Variants in MTHFD1 observed in about 807,000 individuals in gnomAD.
MTHFD1 encodes methylenetetrahydrofolate dehydrogenase, cyclohydrolase and formyltetrahydrofolate synthetase 1, also known as C-1-tetrahydrofolate synthase, cytoplasmic.
A neutral mutation model predicts 110.3 loss-of-function variants in MTHFD1; 44 were observed. The ratio of observed to expected loss-of-function variants is 0.40; its 90% CI spans 0.31 to 0.51. MTHFD1 has a LOEUF of 0.51. MTHFD1 is among the 20% of genes least tolerant of loss of function. The pLI is 0.60. For missense variants in MTHFD1, 909 were observed against 1,173.1 expected, an observed-to-expected ratio of 0.77 and a Z score of 3.29; for synonymous variants, 402 against 428.8, an observed-to-expected ratio of 0.94 and a Z score of 0.77.
chr14:64,408,285 C>CCTTTTTTTTTTTTTTTTTTTTT lies in MTHFD1; in HGVS notation c.127-2805_127-2804insCTTTTTTTTTTTTTTTTTTTTT, dbSNP rs34166790. Among the ~76,000 whole-genome samples, 8 of 121,208 alleles carry CCTTTTTTTTTTTTTTTTTTTTT rather than the reference C, an allele frequency of 6.6e-5. 3 individuals carry two copies. Among genetic ancestry groups the CCTTTTTTTTTTTTTTTTTTTTT allele is most frequent in the Non-Finnish European group, 9.9e-5 (6 of 60,678 alleles). The allele number at this position is 121,208 out of a possible 152,430, so 79.5% of individuals were successfully genotyped here. ...CCACCTTCAAGGAGAAATCAGCATTCTTTTTTTTTTTTTTTTTTTTGAGAT... is the reference window on the plus strand; with the variant it reads ...CCACCTTCAAGGAGAAATCAGCATTCCTTTTTTTTTTTTTTTTTTTTTTTTTTTTTTTTTTTTTTTTTGAGAT... On this transcript the variant is annotated intron_variant, in intron 2 of 27. Transcript: ENST00000652337.
At chr14:64,411,872 G>C (rs1343326078) in intron 3 of MTHFD1, among the ~76,000 whole-genome samples, 1 of 151,978 alleles carries the variant, frequency 6.6e-6, no homozygotes, top group Non-Finnish European at 1.5e-5. Context: ...TTGCACTCCA[G>C]CCTGGGCAAT....
intron 1 of MTHFD1, among the ~76,000 whole-genome samples, chr14:64,398,933 A>G (rs974261319): frequency 6.6e-6 from 1 of 152,238 alleles, no homozygotes; most frequent in African/African-American, 2.4e-5. Context: ...GTATGTTGGT[A>G]AATTGATCAT....
chr14:64,410,416 G>T (rs1003003418), intron 2 of MTHFD1, among the ~76,000 whole-genome samples: 45 of 151,322 alleles, frequency 3.0e-4, no homozygotes, highest in African/African-American at 1.0e-3. Flanking sequence ...ATGGGGGGGG[G>T]GGTCTCACTA....
intron 24 of MTHFD1, among the ~76,000 whole-genome samples, chr14:64,452,718 TAATC>T (rs975205054): frequency 2.6e-5 from 4 of 152,214 alleles, no homozygotes; most frequent in African/African-American, 9.7e-5. Context: ...TGCTTGCACT[TAATC>T]AATTGTGTTA....
chr14:64,408,285 C>CCTTTTTTTTTTTT (rs34166790), intron 2 of MTHFD1, among the ~76,000 whole-genome samples: 5 of 121,208 alleles, frequency 4.1e-5, no homozygotes, highest in Non-Finnish European at 4.9e-5. Context: ...AATCAGCATT[C>CCTTTTTTTTTTTT]TTTTTTTTTT....
At position 64,419,936 on chromosome 14, in the gene MTHFD1, T is replaced by C. The variant is rs377296583; in HGVS notation, c.727+11T>C. The C allele has an allele frequency of 6.0e-5, 95 of 1,586,364 alleles. No individual in the cohort carries two copies. The African/African-American group carries it at 1.2e-3, about 19-fold the overall frequency. ...TCAATTATGTCCCAGGTGAGTGTTG[T>C]TGGAGGAGTAAGGTGGCTGCTGGTA... On this transcript the variant is annotated intron_variant, in intron 8 of 27. Coordinates refer to ENST00000652337, the MANE Select transcript of MTHFD1 (RefSeq NM_005956.4).
At chr14:64,390,758 C>A (rs534043055) in intron 1 of MTHFD1, among the ~76,000 whole-genome samples, 1 of 152,154 alleles carries the variant, frequency 6.6e-6, no homozygotes, top group Non-Finnish European at 1.5e-5. Context: ...AAGCGATTCT[C>A]CTGCCTCAGC....
intron 2 of MTHFD1, among the ~76,000 whole-genome samples, chr14:64,409,049 A>G (rs2077961523): frequency 1.3e-5 from 2 of 152,194 alleles, no homozygotes; most frequent in Non-Finnish European, 1.5e-5. Context: ...GCTCATAACT[A>G]TAACTATTAA....
At chr14:64,452,869 ATTTT>A (rs2078397431) in intron 24 of MTHFD1, among the ~76,000 whole-genome samples, 1 of 151,820 alleles carries the variant, frequency 6.6e-6, no homozygotes, top group African/African-American at 2.4e-5. Context: ...CTACTTTTTA[ATTTT>A]TATTATTATT....
intron 18 of MTHFD1, chr14:64,441,174 A>G (rs11628440): frequency 0.095 from 50,844 of 534,894 alleles, 2,857 homozygotes; most frequent in East Asian, 0.17. Flanking sequence ...CCTGGGCAAC[A>G]CAGCCAGACT....
chr14:64,437,117 T>C (rs1348288749), intron 16 of MTHFD1, among the ~76,000 whole-genome samples: 1 of 152,084 alleles, frequency 6.6e-6, no homozygotes, highest in Non-Finnish European at 1.5e-5. Flanking sequence ...CCTTGACTCA[T>C]TTAGAGTATG....
chr14:64,426,535 A>G (rs188278078), intron 11 of MTHFD1, among the ~76,000 whole-genome samples: 9,238 of 151,974 alleles, frequency 0.061, 490 homozygotes, highest in African/African-American at 0.15. Flanking sequence ...CAGTGGCACG[A>G]TCTCGGCTCA....
At chr14:64,425,618 G>A (rs73277972) in intron 9 of MTHFD1, 112 bp from the exon 10 acceptor site, 26,719 of 871,610 alleles carry the variant, frequency 0.031, 776 homozygotes, top group African/African-American at 0.12. Flanking sequence ...GGTAATAAGT[G>A]GGTCTGAAGC....
intron 16 of MTHFD1, among the ~76,000 whole-genome samples, chr14:64,437,165 T>G (rs1308462047): frequency 3.9e-5 from 6 of 152,088 alleles, no homozygotes; most frequent in African/African-American, 7.2e-5. Flanking sequence ...GTGTGTGTGT[T>G]TTTACTTTGA....
intron 12 of MTHFD1, 84 bp from the exon 13 acceptor site, chr14:64,430,100 C>T: frequency 8.7e-7 from 1 of 1,148,794 alleles, no homozygotes; most frequent in Non-Finnish European, 1.3e-6. Context: ...TTAGTAGTTA[C>T]AATAATGCAT....
intron 24 of MTHFD1, among the ~76,000 whole-genome samples, chr14:64,449,994 C>A (rs893388506): frequency 6.6e-6 from 1 of 152,242 alleles, no homozygotes; most frequent in Admixed American, 6.5e-5. Flanking sequence ...GTTTCACCAT[C>A]TTGGCCAGGC....
In MTHFD1 at chr14:64,458,243, G is replaced by A; in HGVS notation, c.2748G>A (p.Arg916=). The change falls in exon 27 of 28, where the codon CGG becomes CGA. Residue 916 remains arginine, a synonymous_variant. Transcript: ENST00000652337. ...TMSTMPGLPT[R]PCFYDIDLDP... ...GCACAATGCCTGGACTCCCCACCCG[G>A]CCCTGTTTTTATGATATTGATTTGG... 1 of 1,613,132 alleles carries A rather than the reference G, an allele frequency of 6.2e-7. No individual in the cohort carries two copies. Among genetic ancestry groups the A allele is most frequent in the Non-Finnish European group, 8.5e-7 (1 of 1,179,392 alleles).
intron 2 of MTHFD1, among the ~76,000 whole-genome samples, chr14:64,407,680 G>A (rs574394295): frequency 6.6e-6 from 1 of 151,544 alleles, no homozygotes; most frequent in South Asian, 2.1e-4. Flanking sequence ...TCCCAAATGA[G>A]CTGGGACTAC....
intron 21 of MTHFD1, among the ~76,000 whole-genome samples, chr14:64,443,129 C>A (rs907152190): frequency 6.6e-6 from 1 of 152,186 alleles, no homozygotes; most frequent in Non-Finnish European, 1.5e-5. Context: ...GACTCCCTGG[C>A]CTACAGGATA....
Sources: allele counts gnomAD v4.1 joint callset (sites outside exome capture counted in the v4.1 genomes callset), GRCh38; gene constraint gnomAD v4.1.1; transcripts MANE v1.5; gene names NCBI Gene and HGNC (gene_info 2026-07-23, HGNC 2026-07-21).